The following DCDC1 variants were observed in gnomAD, a reference collection of about 807,000 sequenced individuals.
DCDC1 encodes the protein doublecortin domain containing 1, also known as doublecortin domain-containing protein 1.
In DCDC1, 200 loss-of-function variants were observed where a neutral mutation model predicts 178.3. The observed-to-expected ratio is 1.12, with a 90% CI of 1.00 to 1.26. The LOEUF (loss-of-function observed/expected upper bound fraction) is 1.26. Among genes scored for constraint, DCDC1 ranks in the 50% most tolerant of loss-of-function variants. The pLI is 0.00. For synonymous variants in DCDC1, 690 were observed against 604.8 expected (o/e 1.14, Z -2.07); for missense variants, 1,983 against 1,749.2 (o/e 1.13, Z -2.38).
chr11:31,100,465 A>G (rs899291004), intron 15 of DCDC1, among the ~76,000 whole-genome samples: 1 of 152,226 alleles, frequency 6.6e-6, no homozygotes, highest in African/African-American at 2.4e-5. Flanking sequence ...AAAGGAAGAT[A>G]ATGAGTCCTG....
chr11:31,081,100 T>C (rs1419847440), intron 17 of DCDC1, among the ~76,000 whole-genome samples: 2 of 152,150 alleles, frequency 1.3e-5, no homozygotes, highest in Non-Finnish European at 2.9e-5. Context: ...AGACCATGTA[T>C]CCTCAGAGCT....
At chr11:31,153,442 TTA>T (rs1160221715) in intron 9 of DCDC1, among the ~76,000 whole-genome samples, 2 of 152,180 alleles carry the variant, frequency 1.3e-5, no homozygotes, top group Non-Finnish European at 2.9e-5. Flanking sequence ...TAATTACTTG[TTA>T]TAACCATAAA....
intron 20 of DCDC1, among the ~76,000 whole-genome samples, chr11:30,963,262 G>C (rs1376773329): frequency 6.6e-6 from 1 of 152,014 alleles, no homozygotes; most frequent in Admixed American, 6.6e-5. Flanking sequence ...ATGATTCTTC[G>C]AGTAAAGACA....
intron 20 of DCDC1, among the ~76,000 whole-genome samples, chr11:31,055,358 AG>A (rs2135432340): frequency 6.6e-6 from 1 of 152,322 alleles, no homozygotes; most frequent in East Asian, 1.9e-4. Flanking sequence ...TGCGGTGAAC[AG>A]GGAACACTTC....
intron 9 of DCDC1, among the ~76,000 whole-genome samples, chr11:31,189,357 C>G (rs1565406612): frequency 6.6e-6 from 1 of 152,116 alleles, no homozygotes. Flanking sequence ...TGCAACCATA[C>G]TGCTATTGAA....
chr11:30,932,009 G>T (rs1946960482), intron 21 of DCDC1, 57 bp from the exon 22 acceptor site: 2 of 1,461,944 alleles, frequency 1.4e-6, no homozygotes, highest in African/African-American at 1.4e-5. Flanking sequence ...GTCATGTCTA[G>T]ATTTTTAAAA....
At chr11:31,093,837 C>T (rs1292927907) in intron 16 of DCDC1, among the ~76,000 whole-genome samples, 1 of 152,182 alleles carries the variant, frequency 6.6e-6, no homozygotes, top group African/African-American at 2.4e-5. Flanking sequence ...TAATCAGCAG[C>T]ATGTCTGATA....
intron 36 of DCDC1, among the ~76,000 whole-genome samples, chr11:30,890,077 C>G (rs1943643260): frequency 6.6e-6 from 1 of 152,138 alleles, no homozygotes; most frequent in Non-Finnish European, 1.5e-5. Context: ...AAGAAGGTGG[C>G]TGTCTGTAAG....
intron 9 of DCDC1, among the ~76,000 whole-genome samples, chr11:31,197,531 G>A (rs1347157976): frequency 6.6e-6 from 1 of 151,994 alleles, no homozygotes. Context: ...TAGGCTTACA[G>A]ACATTAAGTG....
intron 9 of DCDC1, among the ~76,000 whole-genome samples, chr11:31,152,087 A>C (rs763664188): frequency 1.3e-5 from 2 of 152,224 alleles, no homozygotes; most frequent in African/African-American, 2.4e-5. Flanking sequence ...GTCAATTAAA[A>C]ATAAAATTAA....
chr11:30,956,783 G>A (rs1276944211), intron 20 of DCDC1, among the ~76,000 whole-genome samples: 1 of 152,054 alleles, frequency 6.6e-6, no homozygotes, highest in Non-Finnish European at 1.5e-5. Context: ...ATGAGATCGG[G>A]TAGTGTTGAC....
chr11:30,967,876 G>A (rs1244088484), intron 20 of DCDC1, among the ~76,000 whole-genome samples: 2 of 151,980 alleles, frequency 1.3e-5, no homozygotes, highest in African/African-American at 2.4e-5. Context: ...ACACCCCAGA[G>A]GTCCCACATG....
At chr11:30,953,276 ATAAG>A (rs1948541664) in intron 20 of DCDC1, among the ~76,000 whole-genome samples, 1 of 148,450 alleles carries the variant, frequency 6.7e-6, no homozygotes, top group South Asian at 2.1e-4. Flanking sequence ...TACATTATAT[ATAAG>A]TATTATATTT....
chr11:30,903,505 T>C lies in DCDC1; in HGVS notation c.4487A>G (p.Gln1496Arg). 1.3e-6 allele frequency: 2 copies of C among 1,599,468 alleles called. No homozygotes were observed. Among genetic ancestry groups the C allele is most frequent in the Middle Eastern group, 1.7e-4 (1 of 6,026 alleles). The change falls in exon 32 of 39, where the codon CAG becomes CGG. Residue 1496 changes from glutamine to arginine, a missense_variant. Transcript: ENST00000684477. ...KQDAAPVGKE[Q>R]IIVESMEENP... ...ACCTTCCATACTTTCAACAATTATC[T>C]GTTCTTTTCCAACAGGAGCTGCATC...
rs550256540 is a variant in DCDC1, at chr11:31,358,660, A to C, written c.-125+11037T>G. Among the ~76,000 whole-genome samples the C allele has an allele frequency of 2.0e-4, 30 of 152,248 alleles. No individual in the cohort carries two copies. The South Asian group carries it at 2.1e-3, about 11-fold the overall frequency. On this transcript the variant is annotated intron_variant, in intron 1 of 38. Transcript: ENST00000684477. Reference sequence around the variant, plus strand: ...ATCAGAGTGAACAGGCAACCTACAAAATGGGACAAAATTTTTGCAACCTAC... The same window carrying C: ...ATCAGAGTGAACAGGCAACCTACAACATGGGACAAAATTTTTGCAACCTAC...
chr11:30,869,785 T>A (rs1197980486), intron 38 of DCDC1, among the ~76,000 whole-genome samples: 1 of 152,122 alleles, frequency 6.6e-6, no homozygotes, highest in Admixed American at 6.6e-5. Context: ...GAACCCAGAC[T>A]TCAGAGCCAG....
At chr11:31,240,174 T>C (rs1976940023) in intron 9 of DCDC1, among the ~76,000 whole-genome samples, 1 of 152,018 alleles carries the variant, frequency 6.6e-6, no homozygotes, top group Admixed American at 6.6e-5. Flanking sequence ...TGATCCATTT[T>C]ATAATATCAT....
chr11:31,201,435 C>T (rs1971270531), intron 9 of DCDC1, among the ~76,000 whole-genome samples: 1 of 151,664 alleles, frequency 6.6e-6, no homozygotes, highest in Non-Finnish European at 1.5e-5. Flanking sequence ...ATTGAGTGTA[C>T]TTAAAGATAG....
At chr11:30,969,735 G>C (rs1299706824) in intron 20 of DCDC1, among the ~76,000 whole-genome samples, 1 of 151,942 alleles carries the variant, frequency 6.6e-6, no homozygotes, top group Non-Finnish European at 1.5e-5. Flanking sequence ...AGATTTTTTG[G>C]AGTTCATTTT....
Sources: gnomAD v4.1 joint callset for allele counts (sites outside exome capture counted in the v4.1 genomes callset) on GRCh38, gnomAD v4.1.1 for gene constraint, MANE v1.5 for transcripts, NCBI Gene and HGNC (gene_info 2026-07-23, HGNC 2026-07-21) for gene names.